The following SULF2 variants were observed in gnomAD, a reference collection of about 807,000 sequenced individuals.
The protein encoded by SULF2 is extracellular sulfatase Sulf-2.
SULF2 carries 52 observed loss-of-function variants against 107.7 expected under a neutral mutation model. The observed-to-expected ratio is 0.48, with a 90% confidence interval of 0.39 to 0.61. The LOEUF (loss-of-function observed/expected upper bound fraction) is 0.61, where lower values mean the gene tolerates loss of function less well. SULF2 is among the 20% of genes least tolerant of loss of function. SULF2 has a pLI of 0.00. For missense variants in SULF2, 993 were observed against 1,177.3 expected, an observed-to-expected ratio of 0.84 and a Z score of 2.29; for synonymous variants, 460 against 464.3, an observed-to-expected ratio of 0.99 and a Z score of 0.12.
At chr20:47,659,355 G>A (rs756867809) in intron 20 of SULF2, 44 bp downstream of exon 20, 74 of 1,571,914 alleles carry the variant, frequency 4.7e-5, no homozygotes, top group Middle Eastern at 1.7e-4. Context: ...AAAATGAAGC[G>A]GTCAGAACCA....
chr20:47,679,345 A>G (rs893421052), intron 7 of SULF2, among the ~76,000 whole-genome samples: 3 of 152,128 alleles, frequency 2.0e-5, no homozygotes, highest in Non-Finnish European at 4.4e-5. Flanking sequence ...AGTGGTCCCC[A>G]GAATCCCTGT....
chr20:47,691,308 G>A (rs185003938), intron 4 of SULF2, among the ~76,000 whole-genome samples: 1 of 152,238 alleles, frequency 6.6e-6, no homozygotes, highest in Non-Finnish European at 1.5e-5. Flanking sequence ...GAGCTGAGGT[G>A]AGGGGCATAT....
intron 3 of SULF2, among the ~76,000 whole-genome samples, chr20:47,712,209 G>A (rs2088956691): frequency 6.6e-6 from 1 of 152,226 alleles, no homozygotes; most frequent in Non-Finnish European, 1.5e-5. Context: ...GGGCCCTTCT[G>A]AGTCCAAGAG....
At chr20:47,710,694 C>T (rs536349771) in intron 3 of SULF2, among the ~76,000 whole-genome samples, 1 of 148,848 alleles carries the variant, frequency 6.7e-6, no homozygotes, top group African/African-American at 2.6e-5. Flanking sequence ...CTGTTATAGC[C>T]AACTTCTTGC....
intron 1 of SULF2, among the ~76,000 whole-genome samples, chr20:47,760,552 C>T (rs971591689): frequency 6.6e-6 from 1 of 152,148 alleles, no homozygotes; most frequent in Non-Finnish European, 1.5e-5. Flanking sequence ...TCCCTTTGCC[C>T]ACCTGCCTCT....
At chr20:47,658,558 G>GTTTACTTATACAAA (rs2086968057) in intron 20 of SULF2, among the ~76,000 whole-genome samples, 166 bp from the exon 21 acceptor site, 1 of 152,126 alleles carries the variant, frequency 6.6e-6, no homozygotes, top group South Asian at 2.1e-4. Context: ...TCAATTTTTT[G>GTTTACTTATACAAA]TTTACTTATA....
chr20:47,772,087 A>T (rs1034294896), intron 1 of SULF2, among the ~76,000 whole-genome samples: 3 of 152,238 alleles, frequency 2.0e-5, no homozygotes, highest in Non-Finnish European at 4.4e-5. Context: ...AATTTTTAAA[A>T]GTCTGGTATA....
At position 47,757,195 on chromosome 20, in the gene SULF2, C is replaced by T. The variant is rs1337706442; in HGVS notation, c.169G>A (p.Glu57Lys). ...CTGGGGCCCCGAGGCTTACCCAGCT[C>T]CACATCCTGGTCGTCCGTCAGCACC... ...ILVLTDDQDV[E>K]LGSMQVMNKT... is the part of the protein sequence containing the mutation. Residue 57 changes from glutamate (E) to lysine (K), a missense_variant, in exon 2 of 21, where the codon GAG becomes AAG. By Grantham distance (56) the Glu-to-Lys change is moderately conservative. This residue lies in a region of SULF2 where 388 missense variants were observed against 449.2 expected (regional missense o/e 0.86). Transcript: ENST00000688720. The T allele has an allele frequency of 6.4e-7, 1 of 1,553,762 alleles. No homozygotes were observed. The highest frequency in any genetic ancestry group is 1.2e-5 in the South Asian group (1 of 84,342).
Position 47,663,536 on chromosome 20 carries a change from T to C in SULF2, c.2144A>G (p.Gln715Arg), listed in dbSNP as rs1367530125. 2 of 1,613,118 alleles carry C rather than the reference T, an allele frequency of 1.2e-6. No individual in the cohort carries two copies. The highest frequency in any genetic ancestry group is 2.2e-5 in the South Asian group (2 of 91,082). The change falls in exon 16 of 21, where the codon CAG (glutamine) becomes CGG (arginine). Residue 715 changes from glutamine (Q) to arginine (R), a missense_variant. Gln to Arg is a conservative substitution (Grantham distance 43, BLOSUM62 1). Transcript: ENST00000688720. ...KKLRKLLKRL[Q>R]NNDTCSMPGL... ...TGGCATGCTGCACGTGTCGTTGTTCTGCAGGCGCTTGAGCAGCTTGCGGAG... is the reference window on the plus strand; with the variant it reads ...TGGCATGCTGCACGTGTCGTTGTTCCGCAGGCGCTTGAGCAGCTTGCGGAG...
At chr20:47,683,951 A>G (rs537662252) in intron 6 of SULF2, among the ~76,000 whole-genome samples, 97 of 152,326 alleles carry the variant, frequency 6.4e-4, no homozygotes, top group African/African-American at 2.3e-3. Flanking sequence ...CCAAATCTAT[A>G]GAGACAGAAA....
intron 5 of SULF2, among the ~76,000 whole-genome samples, chr20:47,689,220 A>G (rs886089378): frequency 6.6e-6 from 1 of 152,178 alleles, no homozygotes; most frequent in Non-Finnish European, 1.5e-5. Context: ...ATGGCCCTTG[A>G]TAATCTCTAC....
At chr20:47,770,405 C>A (rs1435161976) in intron 1 of SULF2, among the ~76,000 whole-genome samples, 5 of 151,988 alleles carry the variant, frequency 3.3e-5, no homozygotes, top group African/African-American at 1.2e-4. Flanking sequence ...GTGAGGGGAA[C>A]AGACTGCAGG....
chr20:47,763,987 C>T (rs1409678991), intron 1 of SULF2, among the ~76,000 whole-genome samples: 2 of 152,228 alleles, frequency 1.3e-5, no homozygotes, highest in African/African-American at 4.8e-5. Flanking sequence ...TTATTGCCTT[C>T]CCCTCTCTCC....
intron 3 of SULF2, among the ~76,000 whole-genome samples, chr20:47,709,372 G>A (rs532509301): frequency 6.6e-6 from 1 of 152,338 alleles, no homozygotes; most frequent in East Asian, 1.9e-4. Flanking sequence ...TGGGCAGCAG[G>A]GCTGGCATCT....
chr20:47,779,983 C>T (rs1160819787), intron 1 of SULF2, among the ~76,000 whole-genome samples: 2 of 151,640 alleles, frequency 1.3e-5, no homozygotes, highest in East Asian at 1.9e-4. Flanking sequence ...CGTGCCCTCC[C>T]CCACTTACTC....
At chr20:47,718,968 T>C (rs1342196095) in intron 3 of SULF2, among the ~76,000 whole-genome samples, 1 of 152,220 alleles carries the variant, frequency 6.6e-6, no homozygotes, top group Non-Finnish European at 1.5e-5. Context: ...TGTCCCAAGA[T>C]ATAATTTCCT....
rs116948729 is a variant in SULF2, at chr20:47,752,194, G to A, written c.175+4995C>T. 3.2e-4 allele frequency among the ~76,000 whole-genome samples: 49 copies of A among 152,350 alleles called. 1 individual carries two copies. In the East Asian group the frequency reaches 8.1e-3, roughly 25 times the overall value. ...CATTGGCCCAGGGTGCTCTAACAGA[G>A]GATGGCTTTAACAACCCAAGTGAGA... On this transcript the variant is annotated intron_variant, in intron 2 of 20. Transcript: ENST00000688720.
In SULF2 at chr20:47,757,180, G is replaced by C. The variant is rs558505587; in HGVS notation, c.175+9C>G. On this transcript the variant is annotated intron_variant, in intron 2 of 20. Transcript: ENST00000688720. ...GGCCGAGGTGCCACCCTGGGGCCCC[G>C]AGGCTTACCCAGCTCCACATCCTGG... 1.5e-5 allele frequency: 23 copies of C among 1,544,282 alleles called. No homozygotes were observed. In the Middle Eastern group the frequency reaches 5.1e-4, roughly 34 times the overall value.
At chr20:47,686,876 C>T (rs966211910) in intron 5 of SULF2, among the ~76,000 whole-genome samples, 5 of 152,260 alleles carry the variant, frequency 3.3e-5, no homozygotes, top group South Asian at 2.1e-4. Context: ...CATTACAGAA[C>T]GGCCAGGCTC....
Sources: gnomAD v4.1 joint callset for allele counts (sites outside exome capture counted in the v4.1 genomes callset) on GRCh38, gnomAD v4.1.1 for gene constraint, gnomAD v4.1.1 regional missense constraint, MANE v1.5 for transcripts, NCBI Gene and HGNC (gene_info 2026-07-23, HGNC 2026-07-21) for gene names.